The following DHX29 variants were observed in gnomAD, a reference collection of about 807,000 sequenced individuals.
The protein encoded by DHX29 is ATP-dependent RNA helicase DHX29.
Under a neutral mutation model 167.9 loss-of-function variants are expected in DHX29, and 79 were observed. The observed-to-expected ratio is 0.47, with a 90% CI of 0.39 to 0.57. DHX29 has a LOEUF of 0.57. Ranked by LOEUF, DHX29 falls within the 20% of genes least tolerant of loss-of-function variation. The pLI is 0.00. For synonymous variants in DHX29, 530 were observed against 546.0 expected (o/e 0.97, Z 0.41); for missense variants, 1,347 against 1,593.4 (o/e 0.85, Z 2.63).
intron 1 of DHX29, among the ~76,000 whole-genome samples, chr5:55,302,555 G>A (rs1385302043): frequency 7.3e-6 from 1 of 137,728 alleles, no homozygotes; most frequent in Non-Finnish European, 1.5e-5. Context: ...GGGAGGCAGA[G>A]ATTGTAGTGA....
chr5:55,276,084 C>G (rs1579775177), intron 14 of DHX29, among the ~76,000 whole-genome samples, 182 bp downstream of exon 14: 1 of 152,210 alleles, frequency 6.6e-6, no homozygotes, highest in East Asian at 1.9e-4. Context: ...AAATCAAAGA[C>G]TACAGTCTAT....
At chr5:55,260,290 G>A (rs565988926) in intron 25 of DHX29, among the ~76,000 whole-genome samples, 1 of 151,732 alleles carries the variant, frequency 6.6e-6, no homozygotes. Flanking sequence ...GGAGTGCAGT[G>A]GCGCAATCTT....
chr5:55,290,851 C>T (rs1416262895), intron 6 of DHX29, among the ~76,000 whole-genome samples: 1 of 152,052 alleles, frequency 6.6e-6, no homozygotes, highest in African/African-American at 2.4e-5. Flanking sequence ...CCCGTCTCTA[C>T]CAAAAATACA....
chr5:55,289,140 T>C (rs184103914), intron 8 of DHX29, 130 bp downstream of exon 8: 1 of 1,030,126 alleles, frequency 9.7e-7, no homozygotes, highest in Admixed American at 3.6e-5. Flanking sequence ...TCAAGACAGC[T>C]TATAAAGTGT....
intron 8 of DHX29, among the ~76,000 whole-genome samples, chr5:55,286,684 G>C (rs1388376717): frequency 6.6e-6 from 1 of 152,188 alleles, no homozygotes; most frequent in Non-Finnish European, 1.5e-5. Flanking sequence ...CTCTAAGTAT[G>C]CCTGTCTCAG....
Position 55,269,483 on chromosome 5 carries a change from G to A in DHX29, c.3224C>T (p.Ala1075Val), listed in dbSNP as rs375840930. 55 of 1,614,056 alleles carry A rather than the reference G, an allele frequency of 3.4e-5. No homozygotes were observed. The highest frequency in any genetic ancestry group is 4.5e-5 in the Non-Finnish European group (53 of 1,180,014). ...KLTPLGQHLAALPVNVKIGKM... is the reference protein window; with the variant it reads ...KLTPLGQHLAVLPVNVKIGKM... Reference sequence around the variant, plus strand: ...GCCAATCTTGACATTCACAGGTAAAGCTGCAAGGTGTTGGCCCAACGGAGT... The same window carrying A: ...GCCAATCTTGACATTCACAGGTAAAACTGCAAGGTGTTGGCCCAACGGAGT... Residue 1075 changes from alanine (A) to valine (V), a missense_variant, in exon 21 of 27, where the codon GCT (alanine) becomes GTT (valine). Physicochemically the swap from Ala to Val is moderately conservative, Grantham distance 64. Coordinates refer to ENST00000251636, the MANE Select transcript of DHX29 (RefSeq NM_019030.4).
At chr5:55,298,503 T>C (rs1200731410) in intron 2 of DHX29, 88 bp downstream of exon 2, 6 of 764,120 alleles carry the variant, frequency 7.9e-6, no homozygotes, top group Non-Finnish European at 1.3e-5. Flanking sequence ...AAACACCCCA[T>C]CATTTTCTTA....
chr5:55,288,012 G>A (rs989834524), intron 8 of DHX29, among the ~76,000 whole-genome samples: 1 of 151,096 alleles, frequency 6.6e-6, no homozygotes, highest in African/African-American at 2.4e-5. Context: ...AGAGGCCAAG[G>A]TGGGCAGATC....
intron 12 of DHX29, among the ~76,000 whole-genome samples, chr5:55,280,332 T>C (rs1445623192): frequency 6.6e-6 from 1 of 152,216 alleles, no homozygotes; most frequent in African/African-American, 2.4e-5. Context: ...GATCTATATT[T>C]ACCAAGCAAT....
chr5:55,294,403 G>A (rs1304582470), intron 5 of DHX29, among the ~76,000 whole-genome samples: 9 of 152,224 alleles, frequency 5.9e-5, no homozygotes, highest in South Asian at 2.1e-4. Context: ...GGCTGGGTGC[G>A]GTGGCTCACG....
chr5:55,276,020 G>A (rs990595291), intron 14 of DHX29, among the ~76,000 whole-genome samples: 4 of 152,136 alleles, frequency 2.6e-5, no homozygotes, highest in East Asian at 3.9e-4. Context: ...CCTTGATTTT[G>A]TATGCGTACC....
chr5:55,268,575 C>T (rs1252328596), intron 21 of DHX29, among the ~76,000 whole-genome samples: 3 of 152,030 alleles, frequency 2.0e-5, no homozygotes, highest in African/African-American at 7.2e-5. Flanking sequence ...CAGGGGTGCA[C>T]CACCATGCCC....
At chr5:55,262,991 A>G in intron 23 of DHX29, 59 bp from the exon 24 acceptor site, 1 of 1,318,746 alleles carries the variant, frequency 7.6e-7, no homozygotes. Context: ...ATTTCCAAAT[A>G]ACATTGTAGT....
rs772807705 is a variant in DHX29, at chr5:55,290,332, A to C, written c.793T>G (p.Leu265Val). The change falls in exon 7 of 27, where the codon TTA becomes GTA. Residue 265 changes from leucine to valine, a missense_variant. This residue lies in a region of DHX29 where 405 missense variants were observed against 416.8 expected (regional missense o/e 0.97). Transcript: ENST00000251636. ...TCCAGCAGTTTTGCTGCAAGATGTA[A>C]GTACCTTTCATTCTGTTCCAAATAA... ...EEKFDPNERYLHLAAKLLDAK... is the reference protein window; with the variant it reads ...EEKFDPNERYVHLAAKLLDAK... 1.2e-6 allele frequency: 2 copies of C among 1,605,000 alleles called. No homozygotes were observed. Among genetic ancestry groups the C allele is most frequent in the Non-Finnish European group, 1.7e-6 (2 of 1,177,908 alleles).
At chr5:55,296,047 C>A (rs952927253) in intron 4 of DHX29, among the ~76,000 whole-genome samples, 173 bp downstream of exon 4, 1 of 152,102 alleles carries the variant, frequency 6.6e-6, no homozygotes, top group Non-Finnish European at 1.5e-5. Context: ...TATTTTCTTG[C>A]ATAGGCCACA....
At chr5:55,259,989 G>T in intron 25 of DHX29, 45 bp from the exon 26 acceptor site, 1 of 1,107,444 alleles carries the variant, frequency 9.0e-7, no homozygotes, top group Non-Finnish European at 1.4e-6. Context: ...ATCCAGGGCA[G>T]TGTGAATGTG....
chr5:55,290,098 T>A (rs1747962061), intron 7 of DHX29, 120 bp downstream of exon 7: 2 of 1,197,340 alleles, frequency 1.7e-6, no homozygotes, highest in Non-Finnish European at 2.3e-6. Context: ...AGTTTGCTAA[T>A]CCCATGTATA....
intron 1 of DHX29, among the ~76,000 whole-genome samples, chr5:55,300,979 T>A (rs972491201): frequency 7.2e-5 from 11 of 152,128 alleles, no homozygotes; most frequent in African/African-American, 2.4e-4. Flanking sequence ...GTGGCCATCA[T>A]CTTGCTATAT....
At chr5:55,289,167 T>TA in intron 8 of DHX29, 103 bp downstream of exon 8, 1 of 1,296,074 alleles carries the variant, frequency 7.7e-7, no homozygotes, top group African/African-American at 1.5e-5. Flanking sequence ...ACTGCCATCT[T>TA]ACGTACTTTG....
Sources: allele counts gnomAD v4.1 joint callset (sites outside exome capture counted in the v4.1 genomes callset), GRCh38; gene constraint gnomAD v4.1.1; regional missense constraint gnomAD v4.1.1; transcripts MANE v1.5; gene names NCBI Gene and HGNC (gene_info 2026-07-23, HGNC 2026-07-21).